Variants in ZBED6 observed in about 807,000 individuals in gnomAD.
ZBED6 encodes zinc finger BED-type containing 6, also known as zinc finger BED domain-containing protein 6.
In ZBED6, 40 loss-of-function variants were observed where a neutral mutation model predicts 58.4. The ratio of observed to expected loss-of-function variants is 0.68; its 90% CI spans 0.53 to 0.89. The LOEUF (loss-of-function observed/expected upper bound fraction) is 0.89, where lower values mean the gene tolerates loss of function less well. ZBED6 is among the 40% of genes least tolerant of loss of function. The pLI is 0.00. For missense variants in ZBED6, 1,057 were observed against 1,003.9 expected (o/e 1.05, Z -0.71); for synonymous variants, 439 against 350.6 (o/e 1.25, Z -2.82).
intron 3 of ZBED6, among the ~76,000 whole-genome samples, chr1:203,827,528 A>T (rs1389297474): frequency 6.6e-6 from 1 of 151,970 alleles, no homozygotes; most frequent in Non-Finnish European, 1.5e-5. Flanking sequence ...AAAATACAAA[A>T]AAAATTAGCC....
At chr1:203,800,285 A>G (rs1470113161) in exon 1 of ZBED6, 6 of 969,434 alleles carry the variant, frequency 6.2e-6, no homozygotes, top group Non-Finnish European at 7.9e-6. Context: ...TCTTTACTAA[A>G]AATAGCCACT....
At chr1:203,818,499 C>A in intron 2 of ZBED6, 71 bp from the exon 3 acceptor site, 4 of 1,595,806 alleles carry the variant, frequency 2.5e-6, no homozygotes, top group Non-Finnish European at 3.4e-6. Context: ...ATTCCAGGAG[C>A]TCTTGTTATG....
chr1:203,828,541 A>G, intron 4 of ZBED6, 119 bp downstream of exon 4: 1 of 1,262,390 alleles, frequency 7.9e-7, no homozygotes, highest in Non-Finnish European at 1.1e-6. Flanking sequence ...AATTATTTCC[A>G]CTTTACAGAT....
chr1:203,852,577 T>C, exon 17 of ZBED6: 4 of 686,704 alleles, frequency 5.8e-6, no homozygotes, highest in Non-Finnish European at 7.2e-6. Flanking sequence ...TTTTTAAAGT[T>C]ACTTTATAAC....
rs397711285 is a variant in ZBED6, at chr1:203,815,379, CT to C, written c.*2555-1526del. On this transcript the variant is annotated intron_variant, in intron 1 of 16. Coordinates refer to ENST00000550078, the Ensembl canonical transcript of ZBED6. The stretch of plus-strand genomic sequence containing the variant: ...CACAGGAGTGTGCCACCACACCCAG[CT>C]TTTTTTTTTTTTTTTTTTTTAAGAG... Among the ~76,000 whole-genome samples the C allele has an allele frequency of 4.3e-4, 42 of 96,912 alleles. 1 individual carries two copies. The highest frequency in any genetic ancestry group is 2.9e-3 in the South Asian group (7 of 2,452). 63.6% of individuals were successfully genotyped at this position (96,912 alleles called of 152,430 possible). A position where few individuals can be genotyped will look rare whatever the true frequency, so the allele number is the denominator to read the frequency against.
In ZBED6 at chr1:203,796,502, GATTCCT is replaced by G. The variant is rs1668548498; in HGVS notation, c.-1018_-1013del. On this transcript the variant is annotated 5_prime_UTR_variant, in exon 1 of 17. The change creates a new upstream start codon in the 5' untranslated region. Transcript: ENST00000550078. ...CCCCTAAACTCCCATAATCGGTGCG[GATTCCT>G]ATGGGGAAGGCCTATATTGTTGACA... The G allele has an allele frequency of 2.5e-6, 1 of 399,078 alleles. No homozygotes were observed. Among genetic ancestry groups the G allele is most frequent in the South Asian group, 1.3e-4 (1 of 7,854 alleles). 24.7% of individuals were successfully genotyped at this position (399,078 alleles called of 1,614,324 possible).
At chr1:203,839,258 T>C (rs1685334978) in intron 10 of ZBED6, among the ~76,000 whole-genome samples, 1 of 152,242 alleles carries the variant, frequency 6.6e-6, no homozygotes. Context: ...TTGCCTAGGC[T>C]GGATTCAAAT....
chr1:203,800,218 C>G, exon 1 of ZBED6: 1 of 1,442,304 alleles, frequency 6.9e-7, no homozygotes, highest in Non-Finnish European at 9.4e-7. Flanking sequence ...CCGGCTTTGA[C>G]CCAGGTTGCC....
intron 2 of ZBED6, among the ~76,000 whole-genome samples, chr1:203,817,376 G>A (rs1394342459): frequency 6.7e-6 from 1 of 149,642 alleles, no homozygotes; most frequent in Non-Finnish European, 1.5e-5. Flanking sequence ...ATCATTCAGT[G>A]TTCAAAATTA....
rs568149641 is a variant in ZBED6 at position 203,811,134 on chromosome 1, ACT to A, written c.*2555-5789_*2555-5788del. ...CCAGCAGCCTGGGTAGAAGAGTGAA[ACT>A]CTGTCACAAAAAAAAAAAAAAAAAA... On this transcript the variant is annotated intron_variant, in intron 1 of 16. Transcript: ENST00000550078. Among the ~76,000 whole-genome samples, 360 of 142,098 alleles carry A rather than the reference ACT, an allele frequency of 2.5e-3. 1 individual carries two copies. Among genetic ancestry groups the A allele is most frequent in the Admixed American group, 4.9e-3 (68 of 13,980 alleles). The allele number at this position is 142,098 out of a possible 152,430, so 93.2% of individuals were successfully genotyped here. A position where few individuals can be genotyped will look rare whatever the true frequency, so the allele number is the denominator to read the frequency against.
At chr1:203,809,921 T>G (rs1215740495) in intron 1 of ZBED6, among the ~76,000 whole-genome samples, 1 of 152,094 alleles carries the variant, frequency 6.6e-6, no homozygotes, top group Non-Finnish European at 1.5e-5. Flanking sequence ...GCAACTGCAC[T>G]CCAGGTTTGG....
intron 1 of ZBED6, among the ~76,000 whole-genome samples, chr1:203,806,980 T>C (rs894548488): frequency 3.3e-5 from 5 of 152,092 alleles, no homozygotes; most frequent in Non-Finnish European, 7.4e-5. Flanking sequence ...GTAAATATAA[T>C]GAGTTTCCTA....
chr1:203,818,839 G>A, intron 3 of ZBED6, 150 bp downstream of exon 3: 2 of 1,262,344 alleles, frequency 1.6e-6, no homozygotes, highest in Non-Finnish European at 2.2e-6. Flanking sequence ...GGAGGCTGAG[G>A]CGGGTAGATC....
At chr1:203,817,591 T>C (rs938217099) in intron 2 of ZBED6, among the ~76,000 whole-genome samples, 1 of 152,086 alleles carries the variant, frequency 6.6e-6, no homozygotes, top group Admixed American at 6.6e-5. Context: ...ATACTAAATA[T>C]GCTTTTGCAG....
In ZBED6 at chr1:203,835,427, TAGAAG is replaced by T. The variant is rs371530565; in HGVS notation, c.*3573+1578_*3573+1582del. On this transcript the variant is annotated intron_variant, in intron 9 of 16. Coordinates refer to ENST00000550078, the Ensembl canonical transcript of ZBED6. ...TATACAGTCATTTACGAAAAAAGCT[TAGAAG>T]AGACAGAAATGAGGCAGTCTTTAGA... is the stretch of plus-strand genomic sequence containing the variant. 9.8e-5 allele frequency among the ~76,000 whole-genome samples: 15 copies of T among 152,342 alleles called. 1 individual carries two copies. Among genetic ancestry groups the T allele is most frequent in the East Asian group, 7.7e-4 (4 of 5,194 alleles).
chr1:203,812,551 C>T (rs1247402907), intron 1 of ZBED6, among the ~76,000 whole-genome samples: 1 of 145,678 alleles, frequency 6.9e-6, no homozygotes, highest in African/African-American at 2.5e-5. Flanking sequence ...TTAGTGCTTT[C>T]AGTATTTTGG....
intron 7 of ZBED6, among the ~76,000 whole-genome samples, chr1:203,830,839 C>G (rs1238264958): frequency 6.8e-6 from 1 of 146,578 alleles, no homozygotes; most frequent in Non-Finnish European, 1.5e-5. Flanking sequence ...ACGTCATTTT[C>G]TAGTAGAAGA....
In ZBED6 at chr1:203,847,667, T is replaced by C. The variant is rs1353032054; in HGVS notation, c.*4225T>C. 3.1e-6 allele frequency: 5 copies of C among 1,612,378 alleles called. No homozygotes were observed. In the South Asian group the frequency reaches 5.5e-5, roughly 18 times the overall value. ...GCCACTCCAGGGGCAAGGCGGCTGCTGCGAATCACCAAAAGAACAGGTAAC... is the reference window on the plus strand; with the variant it reads ...GCCACTCCAGGGGCAAGGCGGCTGCCGCGAATCACCAAAAGAACAGGTAAC... On this transcript the variant is annotated 3_prime_UTR_variant, in exon 12 of 17. Coordinates refer to ENST00000550078, the Ensembl canonical transcript of ZBED6.
chr1:203,800,498 C>T (rs1558089876), exon 1 of ZBED6: 4 of 1,449,128 alleles, frequency 2.8e-6, no homozygotes, highest in Non-Finnish European at 2.7e-6. Flanking sequence ...CAACTTTTTG[C>T]TGTGTTACTG....
Sources: allele counts gnomAD v4.1 joint callset (sites outside exome capture counted in the v4.1 genomes callset), GRCh38; gene constraint gnomAD v4.1.1; transcripts MANE v1.5; gene names NCBI Gene and HGNC (gene_info 2026-07-23, HGNC 2026-07-21).